Variants in SLC39A11 observed in about 807,000 individuals in gnomAD.
The protein encoded by SLC39A11 is zinc transporter ZIP11.
Under a neutral mutation model 36.1 loss-of-function variants are expected in SLC39A11, and 33 were observed. The observed-to-expected ratio is 0.91, with a 90% CI of 0.69 to 1.22. SLC39A11 has a LOEUF of 1.22. Ranked by LOEUF, SLC39A11 falls within the 50% of genes most tolerant of loss-of-function variation. SLC39A11 has a pLI of 0.00. For synonymous variants in SLC39A11, 166 were observed against 170.3 expected (o/e 0.97, Z 0.20); for missense variants, 432 against 430.3 (o/e 1.00, Z -0.03).
intron 3 of SLC39A11, among the ~76,000 whole-genome samples, chr17:73,064,133 G>A (rs144652218): frequency 1.7e-3 from 266 of 152,204 alleles, no homozygotes; most frequent in African/African-American, 6.2e-3. Context: ...CGCACTGGTC[G>A]GTGTGAAGCC....
rs1567994892 is a variant in SLC39A11, at chr17:72,729,438, T to A, written c.671+7212A>T. On this transcript the variant is annotated intron_variant, in intron 7 of 9. Coordinates refer to ENST00000255559, the MANE Select transcript of SLC39A11 (RefSeq NM_139177.4). ...ATATATATATATATATATATATATA[T>A]ATATATATATATATATATATTTTTT... Among the ~76,000 whole-genome samples, 38 of 4,770 alleles carry A rather than the reference T, an allele frequency of 8.0e-3. 1 individual carries two copies. Among genetic ancestry groups the A allele is most frequent in the Non-Finnish European group, 0.013 (33 of 2,450 alleles). 3.1% of individuals were successfully genotyped at this position (4,770 alleles called of 152,430 possible). A position where few individuals can be genotyped will look rare whatever the true frequency, so the allele number is the denominator to read the frequency against.
chr17:72,951,950 G>A (rs965077265), intron 4 of SLC39A11, among the ~76,000 whole-genome samples: 11 of 151,982 alleles, frequency 7.2e-5, no homozygotes, highest in African/African-American at 2.4e-4. Flanking sequence ...TTATTTCGGC[G>A]TTTTCGGGGC....
intron 7 of SLC39A11, among the ~76,000 whole-genome samples, chr17:72,702,954 A>AAAAAAAAAAAAAC (rs2072720613): frequency 6.7e-6 from 1 of 149,128 alleles, no homozygotes; most frequent in Non-Finnish European, 1.5e-5. Flanking sequence ...AAAAAAAAAA[A>AAAAAAAAAAAAAC]TGGAAGAAAG....
At chr17:73,062,475 A>ACAAAAAAAAAAAAAAAAAC (rs771572194) in intron 3 of SLC39A11, among the ~76,000 whole-genome samples, 1 of 87,034 alleles carries the variant, frequency 1.1e-5, no homozygotes, top group Admixed American at 1.5e-4. Flanking sequence ...AAAAAAAAAA[A>ACAAAAAAAAAAAAAAAAAC]AAACTTTAGG....
At chr17:73,064,619 G>T (rs1568215178) in intron 3 of SLC39A11, among the ~76,000 whole-genome samples, 1 of 152,084 alleles carries the variant, frequency 6.6e-6, no homozygotes, top group Non-Finnish European at 1.5e-5. Context: ...GGCCTCAGCT[G>T]CCCAGAGAGG....
intron 4 of SLC39A11, among the ~76,000 whole-genome samples, chr17:72,976,302 C>T (rs1409813227): frequency 6.6e-6 from 1 of 151,786 alleles, no homozygotes; most frequent in African/African-American, 2.4e-5. Flanking sequence ...AAACTCTAGG[C>T]AGTCCCCCAA....
At chr17:73,085,535 A>G (rs2060698876) in intron 2 of SLC39A11, among the ~76,000 whole-genome samples, 1 of 151,184 alleles carries the variant, frequency 6.6e-6, no homozygotes, top group South Asian at 2.1e-4. Flanking sequence ...AATCGCAGCT[A>G]CTTGGCTGAG....
chr17:72,761,307 T>G (rs1392210568), intron 6 of SLC39A11, among the ~76,000 whole-genome samples: 1 of 151,758 alleles, frequency 6.6e-6, no homozygotes, highest in Non-Finnish European at 1.5e-5. Context: ...TAGAGATGGA[T>G]TTTCACCATG....
intron 4 of SLC39A11, among the ~76,000 whole-genome samples, chr17:72,977,009 C>T (rs1189976147): frequency 6.6e-6 from 1 of 152,124 alleles, no homozygotes; most frequent in African/African-American, 2.4e-5. Flanking sequence ...TATGACACGC[C>T]ATCAGTACCA....
intron 3 of SLC39A11, among the ~76,000 whole-genome samples, chr17:73,048,469 G>C (rs1230466529): frequency 6.6e-6 from 1 of 152,152 alleles, no homozygotes; most frequent in Non-Finnish European, 1.5e-5. Flanking sequence ...GCATGTCTTT[G>C]CTGTTGTGAA....
chr17:72,886,504 T>G (rs2081443232), intron 5 of SLC39A11, among the ~76,000 whole-genome samples: 1 of 152,082 alleles, frequency 6.6e-6, no homozygotes, highest in Non-Finnish European at 1.5e-5. Context: ...AACATTCAAC[T>G]CCGCCACTCT....
At chr17:72,868,404 T>C (rs745620737) in intron 5 of SLC39A11, among the ~76,000 whole-genome samples, 4 of 152,072 alleles carry the variant, frequency 2.6e-5, no homozygotes, top group Non-Finnish European at 5.9e-5. Flanking sequence ...AAATAAGTTT[T>C]AGGCCATGCT....
At chr17:72,876,850 T>G (rs1316497411) in intron 5 of SLC39A11, among the ~76,000 whole-genome samples, 1 of 152,194 alleles carries the variant, frequency 6.6e-6, no homozygotes, top group Non-Finnish European at 1.5e-5. Context: ...ACCCACTGTT[T>G]CAGTGATTGG....
chr17:72,913,522 A>C (rs2083144740), intron 5 of SLC39A11, among the ~76,000 whole-genome samples: 1 of 152,160 alleles, frequency 6.6e-6, no homozygotes, highest in Non-Finnish European at 1.5e-5. Flanking sequence ...ATAAGAGATG[A>C]CATCATCTGT....
intron 1 of SLC39A11, 127 bp from the exon 2 acceptor site, chr17:73,088,902 A>C: frequency 1.5e-6 from 1 of 667,188 alleles, no homozygotes; most frequent in Non-Finnish European, 2.7e-6. Context: ...GCACCCTTCC[A>C]CCACGCCATC....
At chr17:72,900,169 G>A (rs1420086665) in intron 5 of SLC39A11, among the ~76,000 whole-genome samples, 1 of 118,242 alleles carries the variant, frequency 8.5e-6, no homozygotes, top group African/African-American at 3.3e-5. Context: ...AAGAAAGAAA[G>A]AAAGAAAGAA....
chr17:72,878,334 T>C (rs2081026688), intron 5 of SLC39A11, among the ~76,000 whole-genome samples: 1 of 152,184 alleles, frequency 6.6e-6, no homozygotes, highest in Non-Finnish European at 1.5e-5. Context: ...TTCACTTCTC[T>C]TGGGGATTTC....
intron 3 of SLC39A11, among the ~76,000 whole-genome samples, chr17:73,034,631 A>G (rs780543924): frequency 1.3e-4 from 20 of 151,814 alleles, no homozygotes; most frequent in Non-Finnish European, 2.4e-4. Context: ...CACTCATCTC[A>G]CCCTCTAAAT....
At chr17:72,817,529 G>A (rs2077624114) in intron 6 of SLC39A11, among the ~76,000 whole-genome samples, 3 of 152,122 alleles carry the variant, frequency 2.0e-5, no homozygotes. Context: ...ACTTCAGTGA[G>A]ATTTGGCAGA....
Sources: gnomAD v4.1 joint callset for allele counts (sites outside exome capture counted in the v4.1 genomes callset) on GRCh38, gnomAD v4.1.1 for gene constraint, MANE v1.5 for transcripts, NCBI Gene and HGNC (gene_info 2026-07-23, HGNC 2026-07-21) for gene names.